MAP1A: variants seen among roughly 807,000 people sequenced by gnomAD.
MAP1A encodes microtubule-associated protein 1A.
A neutral mutation model predicts 185.9 loss-of-function variants in MAP1A; 42 were observed. That is an observed-to-expected ratio of 0.23 (90% CI 0.18 to 0.29). MAP1A has a LOEUF of 0.29. MAP1A is among the 10% of genes least tolerant of loss of function. MAP1A has a pLI of 1.00. For missense variants in MAP1A, 2,995 were observed against 3,450.4 expected (o/e 0.87, Z 3.31); for synonymous variants, 1,229 against 1,335.9 (o/e 0.92, Z 1.74).
chr15:43,530,749 T>C lies in MAP1A; in HGVS notation c.*525T>C, dbSNP rs748885907. 22 of 168,780 alleles carry C rather than the reference T, an allele frequency of 1.3e-4. No homozygotes were observed. The highest frequency in any genetic ancestry group is 2.5e-4 in the Non-Finnish European group (19 of 76,546). 10.5% of individuals were successfully genotyped at this position (168,780 alleles called of 1,614,324 possible). A position where few individuals can be genotyped will look rare whatever the true frequency, so the allele number is the denominator to read the frequency against. On this transcript the variant is annotated 3_prime_UTR_variant, in exon 6 of 6. Coordinates refer to ENST00000300231, the MANE Select transcript of MAP1A (RefSeq NM_002373.6). ...TCCTCAACCACCAGGGTCTGAGTTCTAGCAGGGTCCTGGGGGTATCCCACT... is the reference window on the plus strand; with the variant it reads ...TCCTCAACCACCAGGGTCTGAGTTCCAGCAGGGTCCTGGGGGTATCCCACT...
At position 43,525,601 on chromosome 15, in the gene MAP1A, C is replaced by A. The variant is rs763696215; in HGVS notation, c.4128C>A (p.His1376Gln). ...VLQQKDKTLE[H>Q]KEVVEPKDTA... ...AGCAGAAAGACAAAACTCTGGAGCA[C>A]AAGGAGGTGGTAGAGCCGAAGGATA... Residue 1376 changes from histidine to glutamine, a missense_variant, in exon 4 of 6, where the codon CAC (histidine) becomes CAA (glutamine). Physicochemically the swap from His to Gln is conservative, Grantham distance 24. Around this residue, in one of 3 missense-constraint regions of MAP1A, gnomAD observed 2,728 missense variants for 2,986.0 expected, o/e 0.91. Coordinates refer to ENST00000300231, the MANE Select transcript of MAP1A (RefSeq NM_002373.6). 6.2e-7 allele frequency: 1 copy of A among 1,614,012 alleles called. No individual in the cohort carries two copies. Among genetic ancestry groups the A allele is most frequent in the Non-Finnish European group, 8.5e-7 (1 of 1,180,018 alleles).
chr15:43,511,151 C>T, exon 1 of MAP1A: 1 of 1,550,566 alleles, frequency 6.4e-7, no homozygotes, highest in Non-Finnish European at 8.7e-7. Context: ...CCTGCAGAAG[C>T]ACTCTTTGCT....
In MAP1A at chr15:43,526,370, G is replaced by T. The variant is rs749515416; in HGVS notation, c.4897G>T (p.Ala1633Ser). The T allele has an allele frequency of 3.0e-5, 49 of 1,614,118 alleles. No individual in the cohort carries two copies. Among genetic ancestry groups the T allele is most frequent in the Non-Finnish European group, 3.9e-5 (46 of 1,180,052 alleles). The change falls in exon 4 of 6, where the codon GCC (alanine) becomes TCC (serine). Residue 1633 changes from alanine to serine, a missense_variant. Physicochemically the swap from Ala to Ser is moderately conservative, Grantham distance 99 (BLOSUM62 1). Coordinates refer to ENST00000300231, the MANE Select transcript of MAP1A (RefSeq NM_002373.6). This position sits in a 1 kb window ranked among gnomAD's most constrained non-coding sequence, Gnocchi z 4.7. Reference protein sequence around the residue: ...LEESLVQEGRAREQEEKYWRG... With the variant: ...LEESLVQEGRSREQEEKYWRG... ...AGAGAGCCTAGTGCAGGAGGGCAGG[G>T]CCAGAGAGCAGGAAGAAAAGTACTG...
rs764809802 is a variant in MAP1A, at chr15:43,527,489, G to C, written c.6016G>C (p.Ala2006Pro). ...CCCATGCCTCTCAACCAAGGAGGCAGCTGCCGGCCGAAACACATCTGCAGA... is the reference window on the plus strand; with the variant it reads ...CCCATGCCTCTCAACCAAGGAGGCACCTGCCGGCCGAAACACATCTGCAGA... The part of the protein sequence containing the change: ...WPPCLSTKEA[A>P]AGRNTSAEKE... The change falls in exon 4 of 6, where the codon GCT becomes CCT. Residue 2006 changes from alanine (A) to proline (P), a missense_variant. This residue lies in a region of MAP1A where 2,728 missense variants were observed against 2,986.0 expected (regional missense o/e 0.91). Transcript: ENST00000300231. 1 of 1,614,104 alleles carries C rather than the reference G, an allele frequency of 6.2e-7. No homozygotes were observed.
upstream of MAP1A, chr15:43,517,580 C>T (rs1212006654): frequency 7.1e-6 from 1 of 141,670 alleles, no homozygotes; most frequent in Non-Finnish European, 1.6e-5. Flanking sequence ...TCATCAAGCA[C>T]CCCCCTCCCC....
Position 43,528,859 on chromosome 15 carries a change from T to C in MAP1A, c.7386T>C (p.Asp2462=), listed in dbSNP as rs2079358542. The C allele has an allele frequency of 1.2e-6, 2 of 1,613,124 alleles. No homozygotes were observed. The highest frequency in any genetic ancestry group is 1.3e-5 in the African/African-American group (1 of 74,818). Residue 2462 remains aspartate, a synonymous_variant, in exon 4 of 6, where the codon GAT becomes GAC. Coordinates refer to ENST00000300231, the MANE Select transcript of MAP1A (RefSeq NM_002373.6). ...FLNPPLPPSI[D]DRDLSTEEVR... is the part of the protein sequence containing the mutation. Reference sequence around the variant, plus strand: ...ACCCACCTCTGCCCCCATCCATAGATGATAGGGACCTCTCAACTGAGGAAG... The same window carrying C: ...ACCCACCTCTGCCCCCATCCATAGACGATAGGGACCTCTCAACTGAGGAAG...
Position 43,523,165 on chromosome 15 carries a change from A to T in MAP1A, c.1692A>T (p.Ala564=), listed in dbSNP as rs764493307. Reference sequence around the variant, plus strand: ...ATAAGCCATTCCCTCTAGACACTGCAGAGGAGGGACCCCCAAGTACAGCTA... The same window carrying T: ...ATAAGCCATTCCCTCTAGACACTGCTGAGGAGGGACCCCCAAGTACAGCTA... ...LGDKPFPLDT[A]EEGPPSTAIQ... Residue 564 remains alanine (A), a synonymous_variant, in exon 4 of 6, where the codon GCA becomes GCT. Transcript: ENST00000300231. 5 of 1,614,124 alleles carry T rather than the reference A, an allele frequency of 3.1e-6. No homozygotes were observed. Among genetic ancestry groups the T allele is most frequent in the Non-Finnish European group, 4.2e-6 (5 of 1,180,018 alleles).
At position 43,522,806 on chromosome 15, in the gene MAP1A, A is replaced by G. The variant is rs1387540316; in HGVS notation, c.1333A>G (p.Lys445Glu). 2 of 1,579,656 alleles carry G rather than the reference A, an allele frequency of 1.3e-6. No homozygotes were observed. Among genetic ancestry groups the G allele is most frequent in the Non-Finnish European group, 8.6e-7 (1 of 1,160,906 alleles). Residue 445 changes from lysine to glutamate, a missense_variant, in exon 4 of 6, where the codon AAG (lysine) becomes GAG (glutamate). Physicochemically the swap from Lys to Glu is moderately conservative, Grantham distance 56. Coordinates refer to ENST00000300231, the MANE Select transcript of MAP1A (RefSeq NM_002373.6). The surrounding 1 kb of genome is among the most constrained non-coding windows in gnomAD (Gnocchi z 5.9). ...GRKEEKKDAK[K>E]EEKRKDTKPE... is the part of the protein sequence containing the mutation. ...GAAGGAGGAGAAGAAGGATGCCAAG[A>G]AGGAGGAGAAGAGGAAAGATACCAA...
chr15:43,521,262 A>G lies in MAP1A; in HGVS notation c.-150-62A>G, dbSNP rs574485106. 5.3e-6 allele frequency: 8 copies of G among 1,501,020 alleles called. No individual in the cohort carries two copies. The South Asian group carries it at 1.0e-4, about 20-fold the overall frequency. The allele number at this position is 1,501,020 out of a possible 1,614,324, so 93.0% of individuals were successfully genotyped here. On this transcript the variant is annotated intron_variant, in intron 3 of 5. Coordinates refer to ENST00000300231, the MANE Select transcript of MAP1A (RefSeq NM_002373.6). The surrounding 1 kb of genome is among the most constrained non-coding windows in gnomAD (Gnocchi z 4.6). Reference sequence around the variant, plus strand: ...AAAGAGGTGAAGATTAGGGTACTGAATCTAAGTCAGACCAAAACAACTCTA... The same window carrying G: ...AAAGAGGTGAAGATTAGGGTACTGAGTCTAAGTCAGACCAAAACAACTCTA...
rs780753337 is a variant in MAP1A, at chr15:43,524,348, G to A, written c.2875G>A (p.Gly959Arg). 6.2e-7 allele frequency: 1 copy of A among 1,614,206 alleles called. No individual in the cohort carries two copies. Among genetic ancestry groups the A allele is most frequent in the Admixed American group, 1.7e-5 (1 of 60,036 alleles). Residue 959 changes from glycine (G) to arginine (R), a missense_variant, in exon 4 of 6, where the codon GGA (glycine) becomes AGA (arginine). Transcript: ENST00000300231. ...GTCTGAGAAACTTTGCAGTCAATAT[G>A]GAACTCCAGTGTTTAGTGCCCCTGG... ...EMSEKLCSQY[G>R]TPVFSAPGHA...
intron 2 of MAP1A, 78 bp from the exon 3 acceptor site, chr15:43,520,894 C>A (rs1460441721): frequency 1.4e-6 from 2 of 1,427,534 alleles, no homozygotes; most frequent in Non-Finnish European, 1.9e-6. Context: ...GGAGCATGTT[C>A]TTGAGGTACT....
Position 43,523,603 on chromosome 15 carries a change from C to T in MAP1A, c.2130C>T (p.Ala710=), listed in dbSNP as rs760146507. Residue 710 remains alanine, a synonymous_variant, in exon 4 of 6, where the codon GCC becomes GCT. Transcript: ENST00000300231. ...GGRELGLQGK[A]PEKETSLFLS... is the part of the protein sequence containing the mutation. ...GGGAATTGGGACTCCAGGGCAAGGC[C>T]CCTGAGAAGGAGACCTCGTTATTCC... 1 of 1,614,074 alleles carries T rather than the reference C, an allele frequency of 6.2e-7. No homozygotes were observed. The highest frequency in any genetic ancestry group is 8.5e-7 in the Non-Finnish European group (1 of 1,179,996).
chr15:43,512,321 T>C lies in MAP1A; in HGVS notation c.340+30T>C, dbSNP rs988411880. The stretch of plus-strand genomic sequence containing the variant: ...GGACTAATGTTTTATTTCAGTCCTT[T>C]GGGTAAGAGCTGGTCACAGAGGTCC... On this transcript the variant is annotated intron_variant, in intron 2 of 6. Transcript: ENST00000382031. 13 of 1,444,894 alleles carry C rather than the reference T, an allele frequency of 9.0e-6. 1 individual carries two copies. The highest frequency in any genetic ancestry group is 1.7e-4 in the Middle Eastern group (1 of 5,842). 89.5% of individuals were successfully genotyped at this position (1,444,894 alleles called of 1,614,324 possible). A position where few individuals can be genotyped will look rare whatever the true frequency, so the allele number is the denominator to read the frequency against.
rs185524761 is a variant in MAP1A, at chr15:43,526,983, C to T, written c.5510C>T (p.Ser1837Leu). ...PHMKNEPTTP[S>L]WLADIPPWVP... Reference sequence around the variant, plus strand: ...ATGAAGAATGAACCCACTACTCCCTCATGGCTGGCTGACATCCCACCCTGG... The same window carrying T: ...ATGAAGAATGAACCCACTACTCCCTTATGGCTGGCTGACATCCCACCCTGG... The change falls in exon 4 of 6, where the codon TCA (serine) becomes TTA (leucine). Residue 1837 changes from serine (S) to leucine (L), a missense_variant. Coordinates refer to ENST00000300231, the MANE Select transcript of MAP1A (RefSeq NM_002373.6). This position sits in a 1 kb window ranked among gnomAD's most constrained non-coding sequence, Gnocchi z 4.7. 4 of 1,613,152 alleles carry T rather than the reference C, an allele frequency of 2.5e-6. No homozygotes were observed. The African/African-American group carries it at 5.3e-5, about 21-fold the overall frequency.
Position 43,528,266 on chromosome 15 carries a change from A to T in MAP1A, c.6793A>T (p.Thr2265Ser). 6.2e-7 allele frequency: 1 copy of T among 1,613,898 alleles called. No homozygotes were observed. Among genetic ancestry groups the T allele is most frequent in the Non-Finnish European group, 8.5e-7 (1 of 1,179,990 alleles). Residue 2265 changes from threonine to serine, a missense_variant, in exon 4 of 6, where the codon ACG becomes TCG. Thr to Ser is a moderately conservative substitution (Grantham distance 58). Transcript: ENST00000300231. The part of the protein sequence containing the change: ...LSEGSSSEAT[T>S]PVISSVAERF... ...TGAGGGCTCCTCCTCTGAGGCTACC[A>T]CGCCTGTGATTTCAAGTGTGGCGGA...
rs779858948 is a variant in MAP1A at position 43,525,210 on chromosome 15, C to T, written c.3737C>T (p.Thr1246Ile). 25 of 1,613,992 alleles carry T rather than the reference C, an allele frequency of 1.5e-5. No homozygotes were observed. Among genetic ancestry groups the T allele is most frequent in the Non-Finnish European group, 2.0e-5 (24 of 1,180,032 alleles). Residue 1246 changes from threonine (T) to isoleucine (I), a missense_variant, in exon 4 of 6, where the codon ACC (threonine) becomes ATC (isoleucine). Transcript: ENST00000300231. Reference sequence around the variant, plus strand: ...GGGCATCTGATGCAGGCCGAGGATACCTCTCACCACACAGCTCCCATGTCT... The same window carrying T: ...GGGCATCTGATGCAGGCCGAGGATATCTCTCACCACACAGCTCCCATGTCT... Reference protein sequence around the residue: ...EMGHLMQAEDTSHHTAPMSVP... With the variant: ...EMGHLMQAEDISHHTAPMSVP...
Position 43,523,567 on chromosome 15 carries a change from T to C in MAP1A, c.2094T>C (p.Ala698=). 6.2e-7 allele frequency: 1 copy of C among 1,614,042 alleles called. No individual in the cohort carries two copies. The highest frequency in any genetic ancestry group is 2.2e-5 in the East Asian group (1 of 44,872). ...AGGTAACTCCAAGGAGCCGGGAGGC[T>C]TTTGGGGGTCGGGAATTGGGACTCC... ...PLKVTPRSRE[A]FGGRELGLQG... is the part of the protein sequence containing the mutation. Residue 698 remains alanine (A), a synonymous_variant, in exon 4 of 6, where the codon GCT becomes GCC. Transcript: ENST00000300231.
At position 43,529,665 on chromosome 15, in the gene MAP1A, A is replaced by G. The variant is rs1209436696; in HGVS notation, c.8051A>G (p.Lys2684Arg). The G allele has an allele frequency of 5.0e-6, 8 of 1,614,006 alleles. No individual in the cohort carries two copies. The Admixed American group carries it at 1.3e-4, about 27-fold the overall frequency. Residue 2684 changes from lysine (K) to arginine (R), a missense_variant, in exon 5 of 6, where the codon AAG becomes AGG. Around this residue, in one of 3 missense-constraint regions of MAP1A, gnomAD observed 2,728 missense variants for 2,986.0 expected, o/e 0.91. Transcript: ENST00000300231. This position sits in a 1 kb window ranked among gnomAD's most constrained non-coding sequence, Gnocchi z 4.3. ...GTCTCTACAGTGGCCTTGAGTTCCAAGGGCAGCTCTGGTGCCCCTGTATAT... is the reference window on the plus strand; with the variant it reads ...GTCTCTACAGTGGCCTTGAGTTCCAGGGGCAGCTCTGGTGCCCCTGTATAT... ...LKAGPMALSS[K>R]GSSGAPVYVD... is the part of the protein sequence containing the mutation.
In MAP1A at chr15:43,530,385, TC is replaced by T; in HGVS notation, c.*165del. 3 of 803,066 alleles carry T rather than the reference TC, an allele frequency of 3.7e-6. No homozygotes were observed. The highest frequency in any genetic ancestry group is 1.7e-5 in the African/African-American group (1 of 57,772). The allele number at this position is 803,066 out of a possible 1,614,324, so 49.7% of individuals were successfully genotyped here. ...TGGGCTAAATGGGAGGGGTTGTCCC[TC>T]CCCATCATCCATTCCTGTGAGGTGT... On this transcript the variant is annotated 3_prime_UTR_variant, in exon 6 of 6. Transcript: ENST00000300231.
Sources: gnomAD v4.1 joint callset for allele counts on GRCh38, gnomAD v4.1.1 for gene constraint, gnomAD v4.1.1 regional missense constraint, Gnocchi (gnomAD v3.1) non-coding constraint, MANE v1.5 for transcripts, NCBI Gene and HGNC (gene_info 2026-07-23, HGNC 2026-07-21) for gene names.